Variants in SLCO1A2 observed in about 807,000 individuals in gnomAD.
The protein encoded by SLCO1A2 is solute carrier organic anion transporter family member 1A2.
SLCO1A2 carries 67 observed loss-of-function variants against 69.0 expected under a neutral mutation model. The ratio of observed to expected loss-of-function variants is 0.97; its 90% CI spans 0.80 to 1.19. SLCO1A2 has a LOEUF of 1.19. SLCO1A2 is among the 50% of genes most tolerant of loss of function. The probability of loss-of-function intolerance (pLI) is 0.00; values close to 1 mark genes in which losing one functional copy is unlikely to be tolerated. For synonymous variants in SLCO1A2, 260 were observed against 265.9 expected, an observed-to-expected ratio of 0.98 and a Z score of 0.22; for missense variants, 787 against 793.7, an observed-to-expected ratio of 0.99 and a Z score of 0.10.
intron 1 of SLCO1A2, among the ~76,000 whole-genome samples, chr12:21,413,562 C>G (rs941650852): frequency 6.6e-6 from 1 of 152,114 alleles, no homozygotes; most frequent in African/African-American, 2.4e-5. Context: ...GACAGTCACA[C>G]AGACAGGCCT....
chr12:21,283,235 A>G (rs1376094673), intron 12 of SLCO1A2, among the ~76,000 whole-genome samples: 1 of 152,174 alleles, frequency 6.6e-6, no homozygotes, highest in African/African-American at 2.4e-5. Context: ...AGACCAATGG[A>G]GCAGAATAGA....
intron 13 of SLCO1A2, chr12:21,274,817 A>G (rs1330350667): frequency 2.7e-6 from 2 of 737,320 alleles, no homozygotes; most frequent in South Asian, 6.6e-5. Context: ...AGAGTAAAAC[A>G]TTGAATTAAA....
At chr12:21,306,001 G>A (rs1268053532) in intron 5 of SLCO1A2, among the ~76,000 whole-genome samples, 2 of 152,176 alleles carry the variant, frequency 1.3e-5, no homozygotes, top group African/African-American at 4.8e-5. Flanking sequence ...GTACATTGGT[G>A]CCTAGGGCTA....
At chr12:21,406,104 G>A (rs57570896) in intron 1 of SLCO1A2, among the ~76,000 whole-genome samples, 115 of 152,300 alleles carry the variant, frequency 7.6e-4, no homozygotes, top group African/African-American at 2.5e-3. Flanking sequence ...CAACAATTAA[G>A]ATTAAGAGGG....
intron 12 of SLCO1A2, among the ~76,000 whole-genome samples, chr12:21,280,007 T>C (rs77209586): frequency 0.015 from 2,320 of 152,100 alleles, 60 homozygotes; most frequent in African/African-American, 0.053. Context: ...AGTTTCTTTA[T>C]GCAAGCAATT....
chr12:21,363,913 C>A (rs1434742573), intron 2 of SLCO1A2, among the ~76,000 whole-genome samples: 4 of 152,026 alleles, frequency 2.6e-5, no homozygotes. Flanking sequence ...TAATAGCCTA[C>A]CAACCAAAAA....
chr12:21,310,319 G>C (rs1949953643), intron 4 of SLCO1A2, among the ~76,000 whole-genome samples: 1 of 152,158 alleles, frequency 6.6e-6, no homozygotes, highest in African/African-American at 2.4e-5. Flanking sequence ...AGCCTATTAA[G>C]TGTGCAATAG....
At chr12:21,288,436 A>G (rs1460228405) in intron 12 of SLCO1A2, among the ~76,000 whole-genome samples, 2 of 152,066 alleles carry the variant, frequency 1.3e-5, no homozygotes, top group Non-Finnish European at 2.9e-5. Flanking sequence ...ATGAGACTCC[A>G]TCTGAGAAAA....
At chr12:21,358,207 G>A (rs10770801) in intron 2 of SLCO1A2, among the ~76,000 whole-genome samples, 49,264 of 152,026 alleles carry the variant, frequency 0.32, 8,297 homozygotes, top group East Asian at 0.46. Context: ...ATTGTTCTCT[G>A]GCAAAGTGAA....
chr12:21,328,316 C>CT (rs1245947358), intron 2 of SLCO1A2, among the ~76,000 whole-genome samples: 1 of 152,060 alleles, frequency 6.6e-6, no homozygotes, highest in Admixed American at 6.6e-5. Flanking sequence ...AGGACTCAGT[C>CT]TTTTTTTTAA....
At chr12:21,273,628 TAG>T (rs1943284693) in intron 14 of SLCO1A2, among the ~76,000 whole-genome samples, 1 of 152,112 alleles carries the variant, frequency 6.6e-6, no homozygotes, top group Non-Finnish European at 1.5e-5. Flanking sequence ...CAACCCTCAA[TAG>T]TGACCCTTGG....
chr12:21,384,495 T>C (rs1469122213), intron 1 of SLCO1A2, among the ~76,000 whole-genome samples: 3 of 152,104 alleles, frequency 2.0e-5, no homozygotes, highest in African/African-American at 7.2e-5. Flanking sequence ...GAACAAAGGT[T>C]ATCATCAGTA....
intron 8 of SLCO1A2, 77 bp from the exon 9 acceptor site, chr12:21,297,645 C>G (rs962123145): frequency 2.2e-6 from 2 of 895,156 alleles, no homozygotes; most frequent in East Asian, 5.5e-5. Context: ...GAAACATCCA[C>G]CTCCTCAACA....
chr12:21,299,876 A>G (rs867922811), intron 8 of SLCO1A2, among the ~76,000 whole-genome samples: 4 of 84,376 alleles, frequency 4.7e-5, no homozygotes, highest in South Asian at 6.2e-4. Flanking sequence ...ACGTGTGTGT[A>G]TATATATATA....
At chr12:21,274,336 C>T (rs1444017862) in intron 14 of SLCO1A2, 133 bp downstream of exon 14, 14 of 544,232 alleles carry the variant, frequency 2.6e-5, no homozygotes, top group Middle Eastern at 4.8e-4. Context: ...GGAGATATAA[C>T]ATCAGTATCT....
chr12:21,273,974 A>G (rs1393910359), intron 14 of SLCO1A2: 1 of 152,246 alleles, frequency 6.6e-6, no homozygotes, highest in Non-Finnish European at 1.5e-5. Context: ...TCAAAATTAG[A>G]TTTGTATTTA....
At chr12:21,284,294 A>G (rs1187703031) in intron 12 of SLCO1A2, among the ~76,000 whole-genome samples, 1 of 152,206 alleles carries the variant, frequency 6.6e-6, no homozygotes, top group Non-Finnish European at 1.5e-5. Flanking sequence ...GCTCCGGTCC[A>G]CAGCTCCCAG....
intron 2 of SLCO1A2, among the ~76,000 whole-genome samples, chr12:21,350,269 A>G (rs1411548725): frequency 1.3e-5 from 2 of 152,070 alleles, no homozygotes; most frequent in East Asian, 3.9e-4. Context: ...AATAACAAGA[A>G]AAAAATTGAC....
intron 9 of SLCO1A2, among the ~76,000 whole-genome samples, chr12:21,296,673 G>T (rs1947760904): frequency 6.6e-6 from 1 of 152,164 alleles, no homozygotes; most frequent in African/African-American, 2.4e-5. Context: ...AGAAAAAGGA[G>T]AAGATAGCCC....
Sources: allele counts gnomAD v4.1 joint callset (sites outside exome capture counted in the v4.1 genomes callset), GRCh38; gene constraint gnomAD v4.1.1; transcripts MANE v1.5; gene names NCBI Gene and HGNC (gene_info 2026-07-23, HGNC 2026-07-21).